Variants in MIEF1 observed in about 807,000 individuals in gnomAD.
MIEF1 encodes the protein mitochondrial elongation factor 1.
In MIEF1, 14 loss-of-function variants were observed where a neutral mutation model predicts 35.1. The observed-to-expected ratio is 0.40, with a 90% CI of 0.26 to 0.62. The LOEUF is 0.62. Among genes scored for constraint, MIEF1 ranks in the 20% least tolerant of loss-of-function variants. The probability of loss-of-function intolerance (pLI) is 0.43; values close to 1 mark genes in which losing one functional copy is unlikely to be tolerated. For missense variants in MIEF1, 542 were observed against 615.4 expected (o/e 0.88, Z 1.26); for synonymous variants, 245 against 254.3 (o/e 0.96, Z 0.35).
intron 2 of MIEF1, among the ~76,000 whole-genome samples, chr22:39,508,182 C>A (rs1215750619): frequency 5.3e-5 from 8 of 152,206 alleles, no homozygotes; most frequent in Non-Finnish European, 1.0e-4. Context: ...GACCATTATC[C>A]CCTTTTCGTA....
At position 39,516,784 on chromosome 22, in the gene MIEF1, C is replaced by T. The variant is rs990975646; in HGVS notation, c.*2461C>T. ...AGTTATTTAAGTTGAGTGTAATTGT[C>T]ATTTAAGGAAGGCAAATGAGTTTAT... On this transcript the variant is annotated 3_prime_UTR_variant, in exon 6 of 6. Transcript: ENST00000325301. 1.3e-5 allele frequency: 2 copies of T among 152,188 alleles called. No homozygotes were observed. The highest frequency in any genetic ancestry group is 4.8e-5 in the African/African-American group (2 of 41,440). The allele number at this position is 152,188 out of a possible 1,614,324, so 9.4% of individuals were successfully genotyped here. A position where few individuals can be genotyped will look rare whatever the true frequency, so the allele number is the denominator to read the frequency against.
At chr22:39,507,714 A>C (rs947426140) in intron 2 of MIEF1, among the ~76,000 whole-genome samples, 2 of 151,636 alleles carry the variant, frequency 1.3e-5, no homozygotes, top group East Asian at 4.0e-4. Context: ...AAATACAAAA[A>C]ATTAGCAGGG....
chr22:39,517,351 A>T lies in MIEF1; in HGVS notation c.*3028A>T, dbSNP rs1398696315. On this transcript the variant is annotated 3_prime_UTR_variant, in exon 6 of 6. Transcript: ENST00000325301. ...ATTTTTCTTTACATGCTTGGTTATG[A>T]CTTTTAAAGTTTTATTTAAATAAAT... is the stretch of plus-strand genomic sequence containing the variant. 3.8e-6 allele frequency: 1 copy of T among 261,406 alleles called. No individual in the cohort carries two copies. Among genetic ancestry groups the T allele is most frequent in the Non-Finnish European group, 7.9e-6 (1 of 126,968 alleles). The allele number at this position is 261,406 out of a possible 1,614,324, so 16.2% of individuals were successfully genotyped here.
chr22:39,507,021 A>T (rs1042178546), intron 2 of MIEF1, among the ~76,000 whole-genome samples: 10 of 152,198 alleles, frequency 6.6e-5, no homozygotes, highest in African/African-American at 2.4e-4. Context: ...TTGGAGGTGG[A>T]GTTCTTACCT....
In MIEF1 at chr22:39,513,551, C is replaced by A. The variant is rs778255699; in HGVS notation, c.620C>A (p.Pro207His). ...VTADHIQLIV[P>H]LVLEQNLWSC... Reference sequence around the variant, plus strand: ...GCTGACCACATCCAACTCATTGTGCCCCTTGTGCTGGAGCAGAACCTGTGG... The same window carrying A: ...GCTGACCACATCCAACTCATTGTGCACCTTGTGCTGGAGCAGAACCTGTGG... Residue 207 changes from proline to histidine, a missense_variant, in exon 6 of 6, where the codon CCC (proline) becomes CAC (histidine). Pro to His is a moderately conservative substitution (Grantham distance 77, BLOSUM62 -2). Coordinates refer to ENST00000325301, the MANE Select transcript of MIEF1 (RefSeq NM_019008.6). 8 of 1,614,042 alleles carry A rather than the reference C, an allele frequency of 5.0e-6. No homozygotes were observed. The South Asian group carries it at 7.7e-5, about 16-fold the overall frequency.
upstream of MIEF1, chr22:39,502,150 G>C (rs1228433112): frequency 2.0e-5 from 3 of 152,244 alleles, no homozygotes; most frequent in African/African-American, 7.2e-5. Context: ...CTCTGGGGGC[G>C]GGGCGCGAGT....
In MIEF1 at chr22:39,515,507, T is replaced by C. The variant is rs1410586905; in HGVS notation, c.*1184T>C. On this transcript the variant is annotated 3_prime_UTR_variant, in exon 6 of 6. Coordinates refer to ENST00000325301, the MANE Select transcript of MIEF1 (RefSeq NM_019008.6). Reference sequence around the variant, plus strand: ...GGGCAAGTGAGCATGCACGGACCTCTTCCCCCTGTCCTGTTTCTCACCCAG... The same window carrying C: ...GGGCAAGTGAGCATGCACGGACCTCCTCCCCCTGTCCTGTTTCTCACCCAG... The C allele has an allele frequency of 1.6e-6, 1 of 615,230 alleles. No homozygotes were observed. The highest frequency in any genetic ancestry group is 2.9e-6 in the Non-Finnish European group (1 of 341,316). The allele number at this position is 615,230 out of a possible 1,614,324, so 38.1% of individuals were successfully genotyped here. A position where few individuals can be genotyped will look rare whatever the true frequency, so the allele number is the denominator to read the frequency against.
At position 39,513,680 on chromosome 22, in the gene MIEF1, G is replaced by A. The variant is rs1282144302; in HGVS notation, c.749G>A (p.Arg250His). The A allele has an allele frequency of 3.7e-6, 6 of 1,614,112 alleles. No homozygotes were observed. Among genetic ancestry groups the A allele is most frequent in the African/African-American group, 1.3e-5 (1 of 75,022 alleles). ...CCTCGTGGGAGCAGTTACTGGGACCGCTGTGTAGTAGGGGGCTACCTCTCT... is the reference window on the plus strand; with the variant it reads ...CCTCGTGGGAGCAGTTACTGGGACCACTGTGTAGTAGGGGGCTACCTCTCT... ...YFPRGSSYWD[R>H]CVVGGYLSPK... Residue 250 changes from arginine to histidine, a missense_variant, in exon 6 of 6, where the codon CGC (arginine) becomes CAC (histidine). Arg to His is a conservative substitution (Grantham distance 29, BLOSUM62 0). Transcript: ENST00000325301.
intron 1 of MIEF1, 75 bp from the exon 2 acceptor site, chr22:39,504,128 C>T: frequency 5.0e-6 from 2 of 397,752 alleles, no homozygotes; most frequent in East Asian, 3.6e-5. Flanking sequence ...ATTAAAAAGC[C>T]CTCACATAGT....
Position 39,511,733 on chromosome 22 carries a change from T to C in MIEF1, c.145-116T>C, listed in dbSNP as rs1049234691. 2.2e-6 allele frequency: 3 copies of C among 1,382,428 alleles called. No homozygotes were observed. In the African/African-American group the frequency reaches 4.4e-5, roughly 20 times the overall value. 85.6% of individuals were successfully genotyped at this position (1,382,428 alleles called of 1,614,324 possible). On this transcript the variant is annotated intron_variant, in intron 3 of 5. Transcript: ENST00000325301. The stretch of plus-strand genomic sequence containing the variant: ...GAGCAAAGTATTCTATAATCTAAAA[T>C]AAAAACAAAATTACTAAAAGAACTT...
rs140773816 is a variant in MIEF1, at chr22:39,511,973, G to A, written c.269G>A (p.Gly90Asp). The stretch of plus-strand genomic sequence containing the variant: ...CTGCTGAACAGGGACATGAAGACGG[G>A]CCTGAGCCGGTCCTTGCAGACCCTT... ...PRLLNRDMKT[G>D]LSRSLQTLPT... The change falls in exon 4 of 6, where the codon GGC (glycine) becomes GAC (aspartate). Residue 90 changes from glycine (G) to aspartate (D), a missense_variant. Transcript: ENST00000325301. 90 of 1,614,008 alleles carry A rather than the reference G, an allele frequency of 5.6e-5. No homozygotes were observed. Among genetic ancestry groups the A allele is most frequent in the Non-Finnish European group, 7.6e-6 (9 of 1,180,040 alleles).
At position 39,513,969 on chromosome 22, in the gene MIEF1, G is replaced by C. The variant is rs201612054; in HGVS notation, c.1038G>C (p.Thr346=). ...LWRLSLRPAE[T]ARLRALDQAD... Reference sequence around the variant, plus strand: ...GGCTGAGCCTGCGTCCCGCGGAGACGGCACGCCTGCGGGCTCTGGACCAGG... The same window carrying C: ...GGCTGAGCCTGCGTCCCGCGGAGACCGCACGCCTGCGGGCTCTGGACCAGG... Residue 346 remains threonine, a synonymous_variant, in exon 6 of 6, where the codon ACG becomes ACC. Transcript: ENST00000325301. The C allele has an allele frequency of 7.1e-4, 1,139 of 1,613,114 alleles. 16 individuals are homozygous for C. The South Asian group carries it at 0.012, about 17-fold the overall frequency.
chr22:39,511,717 A>G lies in MIEF1; in HGVS notation c.145-132A>G, dbSNP rs1355938445. On this transcript the variant is annotated intron_variant, in intron 3 of 5. Coordinates refer to ENST00000325301, the MANE Select transcript of MIEF1 (RefSeq NM_019008.6). Reference sequence around the variant, plus strand: ...TGAGATTTTCTGCGTGGAGCAAAGTATTCTATAATCTAAAATAAAAACAAA... The same window carrying G: ...TGAGATTTTCTGCGTGGAGCAAAGTGTTCTATAATCTAAAATAAAAACAAA... 3.2e-6 allele frequency: 4 copies of G among 1,265,826 alleles called. No homozygotes were observed. The East Asian group carries it at 9.8e-5, about 31-fold the overall frequency. 78.4% of individuals were successfully genotyped at this position (1,265,826 alleles called of 1,614,324 possible).
chr22:39,512,427 G>A lies in MIEF1; in HGVS notation c.518G>A (p.Arg173Gln), dbSNP rs369835711. 2.9e-5 allele frequency: 47 copies of A among 1,613,976 alleles called. No homozygotes were observed. The highest frequency in any genetic ancestry group is 3.3e-4 in the Middle Eastern group (2 of 6,084). ...DICAELRSFL[R>Q]AKLPDMPLRD... ...TGTGCCGAGCTCCGGAGCTTCCTGC[G>A]GGCCAAGTTGCCTGACATGCCGCTT... The change falls in exon 5 of 6, where the codon CGG becomes CAG. Residue 173 changes from arginine to glutamine, a missense_variant. Arg to Gln is a conservative substitution (Grantham distance 43, BLOSUM62 1). Transcript: ENST00000325301.
upstream of MIEF1, among the ~76,000 whole-genome samples, chr22:39,500,943 C>G (rs1477432283): frequency 6.6e-6 from 1 of 152,074 alleles, no homozygotes; most frequent in African/African-American, 2.4e-5. Context: ...TAGATCCGCC[C>G]ACCTCAGCCT....
rs973948002 is a variant in MIEF1, at chr22:39,514,379, T to TA, written c.*57dup. 2.4e-5 allele frequency: 38 copies of TA among 1,565,360 alleles called. No homozygotes were observed. The African/African-American group carries it at 3.2e-4, about 13-fold the overall frequency. On this transcript the variant is annotated 3_prime_UTR_variant, in exon 6 of 6. Coordinates refer to ENST00000325301, the MANE Select transcript of MIEF1 (RefSeq NM_019008.6). ...GTCAGGCCCTGGATTCTCCGTTAGA[T>TA]ACACTTGGCTACCTAGTTGGTGCCT... is the stretch of plus-strand genomic sequence containing the variant.
chr22:39,511,220 T>C (rs1425249679), intron 2 of MIEF1, 68 bp from the exon 3 acceptor site: 11 of 1,600,946 alleles, frequency 6.9e-6, no homozygotes, highest in Non-Finnish European at 8.5e-6. Flanking sequence ...TGTTGGGGTT[T>C]GGCTTGTTAG....
chr22:39,503,701 G>A (rs896842987), intron 1 of MIEF1: 1 of 152,294 alleles, frequency 6.6e-6, no homozygotes, highest in Non-Finnish European at 1.5e-5. Context: ...CACAGATGAG[G>A]AACTGAGACA....
At chr22:39,511,816 G>C in intron 3 of MIEF1, 33 bp from the exon 4 acceptor site, 3 of 1,582,054 alleles carry the variant, frequency 1.9e-6, no homozygotes, top group Non-Finnish European at 2.6e-6. Flanking sequence ...AAAGAGGGCA[G>C]GTTTATGTCC....
Sources: gnomAD v4.1 joint callset for allele counts (sites outside exome capture counted in the v4.1 genomes callset) on GRCh38, gnomAD v4.1.1 for gene constraint, MANE v1.5 for transcripts, NCBI Gene and HGNC (gene_info 2026-07-23, HGNC 2026-07-21) for gene names.